ARR3: variants seen among roughly 807,000 people sequenced by gnomAD.
The protein encoded by ARR3 is arrestin-C.
In ARR3, 14 loss-of-function variants were observed where a neutral mutation model predicts 35.4. The observed-to-expected ratio is 0.40, with a 90% CI of 0.26 to 0.62. The LOEUF is 0.62. Ranked by LOEUF, ARR3 falls within the 20% of genes least tolerant of loss-of-function variation. ARR3 has a pLI of 0.46. For missense variants in ARR3, 259 were observed against 303.8 expected, an observed-to-expected ratio of 0.85 and a Z score of 1.10; for synonymous variants, 97 against 119.1, an observed-to-expected ratio of 0.81 and a Z score of 1.21.
Position 70,281,737 on chromosome X carries a change from G to A in ARR3, c.1138G>A (p.Val380Met), listed in dbSNP as rs1261158746. ...RKGEEESQKA[V>M]EAEGDEGS ...AGGCGAGGAGGAGAGCCAGAAGGCT[G>A]TGGAGGCTGAGGGAGATGAGGGGAG... is the stretch of plus-strand genomic sequence containing the variant. Residue 380 changes from valine to methionine, a missense_variant, in exon 17 of 17, where the codon GTG (valine) becomes ATG (methionine). By Grantham distance (21) the Val-to-Met change is conservative (BLOSUM62 1). Coordinates refer to ENST00000307959, the MANE Select transcript of ARR3 (RefSeq NM_004312.3). 1.7e-6 allele frequency: 2 copies of A among 1,184,887 alleles called. No homozygotes were observed. The highest frequency in any genetic ancestry group is 3.5e-5 in the African/African-American group (2 of 57,255).
chrX:70,277,703 G>T lies in ARR3; in HGVS notation c.610-13G>T, dbSNP rs765229635. 2 of 1,205,917 alleles carry T rather than the reference G, an allele frequency of 1.7e-6. No individual in the cohort carries two copies. Among genetic ancestry groups the T allele is most frequent in the African/African-American group, 3.5e-5 (2 of 57,528 alleles). On this transcript the variant is annotated splice_polypyrimidine_tract_variant and intron_variant, in intron 9 of 16. Transcript: ENST00000307959. The stretch of plus-strand genomic sequence containing the variant: ...TCCTCCAGCCTTGACATGGGTCCCC[G>T]CTCCTGCTTTAGGTTCACTACCACG...
Position 70,281,748 on chromosome X carries a change from G to C in ARR3, c.1149G>C (p.Glu383Asp). The C allele has an allele frequency of 2.5e-6, 3 of 1,178,301 alleles. No individual in the cohort carries two copies. Among genetic ancestry groups the C allele is most frequent in the African/African-American group, 1.8e-5 (1 of 57,010 alleles). Residue 383 changes from glutamate (E) to aspartate (D), a missense_variant, in exon 17 of 17, where the codon GAG (glutamate) becomes GAC (aspartate). Glu to Asp is a conservative substitution (Grantham distance 45). Coordinates refer to ENST00000307959, the MANE Select transcript of ARR3 (RefSeq NM_004312.3). The stretch of plus-strand genomic sequence containing the variant: ...AGAGCCAGAAGGCTGTGGAGGCTGA[G>C]GGAGATGAGGGGAGCTGAGCACCTC... ...EEESQKAVEAEGDEGS is the reference protein window; with the variant it reads ...EEESQKAVEADGDEGS
chrX:70,281,569 G>T, intron 16 of ARR3, 107 bp from the exon 17 acceptor site: 1 of 649,826 alleles, frequency 1.5e-6, no homozygotes. Flanking sequence ...GCCTACCTGG[G>T]AAGCAGGGAG....
At chrX:70,278,365 C>T in intron 11 of ARR3, 139 bp from the exon 12 acceptor site, 2 of 832,807 alleles carry the variant, frequency 2.4e-6, no homozygotes, top group Non-Finnish European at 1.7e-6. Context: ...TAATTTCTCC[C>T]AGTCTTCAGT....
chrX:70,270,016 G>C, intron 4 of ARR3, 84 bp from the exon 5 acceptor site: 2 of 1,180,339 alleles, frequency 1.7e-6, no homozygotes, highest in Non-Finnish European at 2.3e-6. Context: ...GGAAGAATAG[G>C]AAGAACCATT....
chrX:70,270,049 T>C lies in ARR3; in HGVS notation c.101-51T>C, dbSNP rs774044464. 3 of 1,194,970 alleles carry C rather than the reference T, an allele frequency of 2.5e-6. No individual in the cohort carries two copies. In the South Asian group the frequency reaches 5.3e-5, roughly 21 times the overall value. On this transcript the variant is annotated intron_variant, in intron 4 of 16. Transcript: ENST00000307959. Reference sequence around the variant, plus strand: ...ATTTCAGGGATCATCCTCTGTTTCATAGTCTGAGAGTTTTTCCTGACCAAA... The same window carrying C: ...ATTTCAGGGATCATCCTCTGTTTCACAGTCTGAGAGTTTTTCCTGACCAAA...
intron 1 of ARR3, among the ~76,000 whole-genome samples, chrX:70,268,842 T>C (rs1256145872): frequency 8.9e-6 from 1 of 112,406 alleles, no homozygotes; most frequent in Non-Finnish European, 1.9e-5. Flanking sequence ...TCAGGATCCA[T>C]TGCAGGAGCA....
intron 7 of ARR3, 63 bp from the exon 8 acceptor site, chrX:70,276,606 A>G: frequency 8.5e-7 from 1 of 1,171,223 alleles, no homozygotes; most frequent in Non-Finnish European, 1.2e-6. Context: ...ATTTTCTTAT[A>G]GGCCCATGAG....
chrX:70,281,022 A>T, intron 15 of ARR3, 77 bp from the exon 16 acceptor site: 1 of 1,069,407 alleles, frequency 9.4e-7, no homozygotes, highest in Non-Finnish European at 1.3e-6. Flanking sequence ...GGAAGTAAAG[A>T]TACTTCTTCA....
intron 5 of ARR3, among the ~76,000 whole-genome samples, chrX:70,275,814 C>T (rs906758818): frequency 4.7e-5 from 5 of 107,364 alleles, no homozygotes; most frequent in African/African-American, 1.4e-4. Flanking sequence ...GGACTACAGG[C>T]GCCCACTACC....
At chrX:70,280,891 A>G in intron 15 of ARR3, 73 bp downstream of exon 15, 1 of 1,148,157 alleles carries the variant, frequency 8.7e-7, no homozygotes, top group Non-Finnish European at 1.2e-6. Context: ...GATCTCATGA[A>G]TTGGAGACTA....
intron 5 of ARR3, among the ~76,000 whole-genome samples, chrX:70,273,433 G>A (rs1024671401): frequency 7.2e-5 from 8 of 110,697 alleles, no homozygotes; most frequent in Admixed American, 1.9e-4. Context: ...TGTGGGCCAG[G>A]CTGGACTCGA....
chrX:70,271,657 T>C (rs2085630516), intron 5 of ARR3, among the ~76,000 whole-genome samples: 1 of 112,159 alleles, frequency 8.9e-6, no homozygotes. Flanking sequence ...AAAAAATACC[T>C]AAGGTGGCCT....
At position 70,277,779 on chromosome X, in the gene ARR3, A is replaced by T; in HGVS notation, c.673A>T (p.Ile225Phe). The T allele has an allele frequency of 8.3e-7, 1 of 1,208,278 alleles. No individual in the cohort carries two copies. Among genetic ancestry groups the T allele is most frequent in the African/African-American group, 1.7e-5 (1 of 57,654 alleles). ...VSINNCTNKVIKKIKISVDQI... is the reference protein window; with the variant it reads ...VSINNCTNKVFKKIKISVDQI... ...TATCAACAACTGCACCAACAAGGTCATCAAAAAAATCAAGATTTCAGGTGA... is the reference window on the plus strand; with the variant it reads ...TATCAACAACTGCACCAACAAGGTCTTCAAAAAAATCAAGATTTCAGGTGA... Residue 225 changes from isoleucine to phenylalanine, a missense_variant, in exon 10 of 17, where the codon ATC becomes TTC. Physicochemically the swap from Ile to Phe is conservative, Grantham distance 21 (BLOSUM62 0). Transcript: ENST00000307959.
intron 5 of ARR3, among the ~76,000 whole-genome samples, chrX:70,274,172 T>G (rs2085642042): frequency 9.1e-6 from 1 of 109,485 alleles, no homozygotes; most frequent in Non-Finnish European, 1.9e-5. Context: ...TACCTATCAT[T>G]CTGCAGCTAG....
intron 5 of ARR3, among the ~76,000 whole-genome samples, chrX:70,273,015 G>A (rs775683463): frequency 4.5e-5 from 5 of 110,477 alleles, no homozygotes; most frequent in African/African-American, 1.6e-4. Context: ...ACTTGGACAG[G>A]TATCCCTCTC....
At chrX:70,270,886 A>AT (rs1211431090) in intron 5 of ARR3, among the ~76,000 whole-genome samples, 1,247 of 104,180 alleles carry the variant, frequency 0.012, 11 homozygotes, top group African/African-American at 0.025. Context: ...GATTATGCTG[A>AT]TTTTTTTTTT....
chrX:70,281,224 G>A, intron 16 of ARR3, 116 bp downstream of exon 16: 1 of 914,317 alleles, frequency 1.1e-6, no homozygotes, highest in Admixed American at 2.7e-5. Context: ...CATGTGCAGT[G>A]GAAACATATG....
intron 5 of ARR3, among the ~76,000 whole-genome samples, chrX:70,275,676 T>A (rs2085648985): frequency 1.2e-5 from 1 of 84,399 alleles, no homozygotes; most frequent in Non-Finnish European, 2.3e-5. Flanking sequence ...TTTTTTTTTT[T>A]TTTTTTTTTT....
Sources: gnomAD v4.1 joint callset for allele counts (sites outside exome capture counted in the v4.1 genomes callset) on GRCh38, gnomAD v4.1.1 for gene constraint, MANE v1.5 for transcripts, NCBI Gene and HGNC (gene_info 2026-07-23, HGNC 2026-07-21) for gene names.